HEATR5B: variants seen among roughly 807,000 people sequenced by gnomAD.
HEATR5B encodes the protein HEAT repeat-containing protein 5B.
Under a neutral mutation model 224.1 loss-of-function variants are expected in HEATR5B, and 156 were observed. That is an observed-to-expected ratio of 0.70 (90% CI 0.61 to 0.80). HEATR5B has a LOEUF of 0.80. Among genes scored for constraint, HEATR5B ranks in the 30% least tolerant of loss-of-function variants. The pLI is 0.00. For missense variants in HEATR5B, 2,323 were observed against 2,535.5 expected (o/e 0.92, Z 1.80); for synonymous variants, 1,027 against 893.0 (o/e 1.15, Z -2.68).
chr2:37,058,025 C>A (rs965179776), intron 14 of HEATR5B, among the ~76,000 whole-genome samples: 8 of 151,954 alleles, frequency 5.3e-5, no homozygotes, highest in Non-Finnish European at 1.0e-4. Context: ...TTGATTTCTC[C>A]CTCCAGATCC....
At chr2:37,007,775 C>T (rs1304844669) in intron 28 of HEATR5B, among the ~76,000 whole-genome samples, 1 of 152,234 alleles carries the variant, frequency 6.6e-6, no homozygotes, top group Non-Finnish European at 1.5e-5. Context: ...AGCTGATGAA[C>T]TGGAATACCT....
intron 1 of HEATR5B, among the ~76,000 whole-genome samples, chr2:37,083,940 TG>T (rs1672800356): frequency 6.6e-6 from 1 of 152,076 alleles, no homozygotes; most frequent in South Asian, 2.1e-4. Flanking sequence ...CGCGGATGGG[TG>T]GGGCGGCCAG....
At chr2:37,040,714 G>A (rs1016886454) in intron 19 of HEATR5B, among the ~76,000 whole-genome samples, 196 bp from the exon 20 acceptor site, 3 of 151,854 alleles carry the variant, frequency 2.0e-5, no homozygotes, top group South Asian at 2.1e-4. Flanking sequence ...GTATAATAAC[G>A]TCTAAAAAGA....
At chr2:37,070,477 AC>A (rs1671840842) in intron 6 of HEATR5B, 90 bp from the exon 7 acceptor site, 2 of 957,968 alleles carry the variant, frequency 2.1e-6, no homozygotes, top group Non-Finnish European at 3.1e-6. Flanking sequence ...AGGACACTTT[AC>A]TACAATGGGG....
chr2:37,051,830 C>A (rs548978336), intron 17 of HEATR5B, among the ~76,000 whole-genome samples: 19 of 152,184 alleles, frequency 1.2e-4, no homozygotes, highest in African/African-American at 4.6e-4. Context: ...ACCTCTGCCT[C>A]CCAGGTTCAA....
Position 37,057,356 on chromosome 2 carries a change from A to C in HEATR5B, c.2184T>G (p.Ser728=). ...ATTTATGATCAGTTTCCTGAAGCCA[A>C]GAACCAAGAAGAACACTATCATCAT... The part of the protein sequence containing the change: ...CHYDDSVLLG[S]WLQETDHKSI... The change falls in exon 15 of 36, where the codon TCT becomes TCG. Residue 728 remains serine, a synonymous_variant. Coordinates refer to ENST00000233099, the MANE Select transcript of HEATR5B (RefSeq NM_019024.3). 2 of 1,610,282 alleles carry C rather than the reference A, an allele frequency of 1.2e-6. No individual in the cohort carries two copies. The highest frequency in any genetic ancestry group is 1.7e-6 in the Non-Finnish European group (2 of 1,178,748).
chr2:36,984,910 C>T (rs1438453965), intron 35 of HEATR5B, among the ~76,000 whole-genome samples: 1 of 152,016 alleles, frequency 6.6e-6, no homozygotes, highest in Non-Finnish European at 1.5e-5. Flanking sequence ...TCTCTTGAAA[C>T]CTAGAGAAAT....
intron 21 of HEATR5B, 125 bp downstream of exon 21, chr2:37,037,730 G>T (rs1669588746): frequency 8.3e-6 from 4 of 479,230 alleles, no homozygotes; most frequent in Non-Finnish European, 1.4e-5. Flanking sequence ...TATACTGTAG[G>T]CTTGCATCAA....
intron 12 of HEATR5B, 72 bp downstream of exon 12, chr2:37,060,509 G>C: frequency 7.7e-7 from 1 of 1,294,502 alleles, no homozygotes; most frequent in Non-Finnish European, 1.0e-6. Context: ...ATAAAATAGT[G>C]ATTTTTCTTT....
chr2:37,082,138 C>CGGCTCCTT (rs926715630), intron 2 of HEATR5B, among the ~76,000 whole-genome samples: 2 of 125,036 alleles, frequency 1.6e-5, no homozygotes, highest in Non-Finnish European at 3.2e-5. Context: ...AGTGCGATCT[C>CGGCTCCTT]GGCTCCTTGC....
intron 35 of HEATR5B, 43 bp downstream of exon 35, chr2:36,988,603 A>G (rs1410874055): frequency 2.7e-6 from 4 of 1,483,238 alleles, no homozygotes; most frequent in Non-Finnish European, 3.7e-6. Context: ...TACAATACAG[A>G]TCTTCATTCT....
chr2:37,003,516 A>C (rs557121068), intron 31 of HEATR5B, 26 bp downstream of exon 31: 5 of 1,493,022 alleles, frequency 3.3e-6, no homozygotes, highest in Non-Finnish European at 4.6e-6. Flanking sequence ...GATTTACTTC[A>C]AGTTAGTGTA....
intron 8 of HEATR5B, among the ~76,000 whole-genome samples, chr2:37,067,321 C>G (rs1459936041): frequency 2.0e-5 from 3 of 152,170 alleles, no homozygotes; most frequent in Non-Finnish European, 4.4e-5. Flanking sequence ...GTTTCTGGCA[C>G]TAAACATTTC....
intron 33 of HEATR5B, among the ~76,000 whole-genome samples, chr2:36,994,663 T>A (rs1666564675): frequency 6.6e-6 from 1 of 152,180 alleles, no homozygotes. Flanking sequence ...CTTGATAACA[T>A]ATCAAAACTT....
chr2:37,028,602 T>C, intron 23 of HEATR5B, 79 bp downstream of exon 23: 1 of 1,100,088 alleles, frequency 9.1e-7, no homozygotes, highest in East Asian at 2.6e-5. Context: ...CATGTATGTA[T>C]CTTTATACAT....
At chr2:37,074,150 T>A (rs1456152149) in intron 5 of HEATR5B, among the ~76,000 whole-genome samples, 1 of 151,764 alleles carries the variant, frequency 6.6e-6, no homozygotes, top group Non-Finnish European at 1.5e-5. Context: ...TGAAACCCCA[T>A]CTCTACTAAA....
rs763360341 is a variant in HEATR5B, at chr2:37,008,836, C to T, written c.4297G>A (p.Ala1433Thr). The T allele has an allele frequency of 1.8e-5, 28 of 1,599,874 alleles. No individual in the cohort carries two copies. Among genetic ancestry groups the T allele is most frequent in the African/African-American group, 1.5e-4 (11 of 74,494 alleles). Residue 1433 changes from alanine (A) to threonine (T), a missense_variant, in exon 28 of 36, where the codon GCT becomes ACT. Ala to Thr is a moderately conservative substitution (Grantham distance 58). Coordinates refer to ENST00000233099, the MANE Select transcript of HEATR5B (RefSeq NM_019024.3). The stretch of plus-strand genomic sequence containing the variant: ...TCTGCTTCCTTTTTAATATTCATAG[C>T]GACCACATATACCTAATATGATATT... ...LKAWAEVYVV[A>T]MNIKKEAESK...
At chr2:37,006,641 C>G (rs1003526813) in intron 29 of HEATR5B, among the ~76,000 whole-genome samples, 1 of 152,066 alleles carries the variant, frequency 6.6e-6, no homozygotes. Flanking sequence ...AACTCTGTCT[C>G]AAACAAAAAA....
chr2:37,000,648 T>C lies in HEATR5B; in HGVS notation c.5483A>G (p.Gln1828Arg), dbSNP rs1667028654. 4 of 1,614,244 alleles carry C rather than the reference T, an allele frequency of 2.5e-6. No homozygotes were observed. The highest frequency in any genetic ancestry group is 3.4e-6 in the Non-Finnish European group (4 of 1,180,050). Reference protein sequence around the residue: ...LSMAKTEAGVQKQWTALIRST... With the variant: ...LSMAKTEAGVRKQWTALIRST... ...ACGAATCAGAGCTGTCCACTGTTTT[T>C]GAACGCCAGCCTCAGTTTTGGCCAT... The change falls in exon 33 of 36, where the codon CAA (glutamine) becomes CGA (arginine). Residue 1828 changes from glutamine to arginine, a missense_variant. Coordinates refer to ENST00000233099, the MANE Select transcript of HEATR5B (RefSeq NM_019024.3).
Sources: gnomAD v4.1 joint callset for allele counts (sites outside exome capture counted in the v4.1 genomes callset) on GRCh38, gnomAD v4.1.1 for gene constraint, MANE v1.5 for transcripts, NCBI Gene and HGNC (gene_info 2026-07-23, HGNC 2026-07-21) for gene names.